The following BSN variants were observed in gnomAD, a reference collection of about 807,000 sequenced individuals.
The protein encoded by BSN is protein bassoon.
BSN carries 57 observed loss-of-function variants against 264.8 expected under a neutral mutation model. The observed-to-expected ratio is 0.22, with a 90% confidence interval of 0.17 to 0.27. The LOEUF is 0.27. Among genes scored for constraint, BSN ranks in the 10% least tolerant of loss-of-function variants. The probability of loss-of-function intolerance (pLI) is 1.00; values close to 1 mark genes in which losing one functional copy is unlikely to be tolerated. For missense variants in BSN, 4,615 were observed against 5,232.5 expected, an observed-to-expected ratio of 0.88 and a Z score of 3.64; for synonymous variants, 2,059 against 2,137.3, an observed-to-expected ratio of 0.96 and a Z score of 1.01.
intron 2 of BSN, among the ~76,000 whole-genome samples, chr3:49,634,349 A>T (rs567200452): frequency 1.5e-4 from 23 of 152,368 alleles, no homozygotes; most frequent in Non-Finnish European, 2.8e-4. Flanking sequence ...ACTGACCTGT[A>T]CACTTAAAAA....
At chr3:49,601,613 C>T (rs909923431) in intron 1 of BSN, among the ~76,000 whole-genome samples, 14 of 152,166 alleles carry the variant, frequency 9.2e-5, no homozygotes, top group African/African-American at 2.4e-4. Flanking sequence ...GGACCAGGAG[C>T]TGATTTCTCT....
intron 2 of BSN, among the ~76,000 whole-genome samples, chr3:49,634,377 T>A (rs1202829330): frequency 6.6e-6 from 1 of 152,220 alleles, no homozygotes; most frequent in Non-Finnish European, 1.5e-5. Flanking sequence ...GGTAGTAAAT[T>A]TATGTGTATT....
At chr3:49,568,122 C>G (rs1289762282) in intron 1 of BSN, among the ~76,000 whole-genome samples, 2 of 152,176 alleles carry the variant, frequency 1.3e-5, no homozygotes, top group African/African-American at 4.8e-5. Flanking sequence ...AACACAGTCA[C>G]AAGATCCTGC....
intron 1 of BSN, among the ~76,000 whole-genome samples, chr3:49,587,787 GT>G (rs2051946991): frequency 6.6e-6 from 1 of 152,110 alleles, no homozygotes; most frequent in Non-Finnish European, 1.5e-5. Flanking sequence ...TGTCTGATTG[GT>G]TGCGGGAGAG....
At chr3:49,631,597 G>A (rs2052384636) in intron 2 of BSN, among the ~76,000 whole-genome samples, 1 of 151,432 alleles carries the variant, frequency 6.6e-6, no homozygotes, top group Non-Finnish European at 1.5e-5. Context: ...CTTCTCCAAA[G>A]AGAGCATTAG....
chr3:49,563,438 T>C (rs2051730413), intron 1 of BSN, among the ~76,000 whole-genome samples: 1 of 152,198 alleles, frequency 6.6e-6, no homozygotes. Flanking sequence ...GGCCATGATT[T>C]CCAGGGGAGC....
intron 1 of BSN, among the ~76,000 whole-genome samples, chr3:49,609,714 G>A (rs1045143869): frequency 3.3e-5 from 5 of 152,210 alleles, no homozygotes; most frequent in African/African-American, 7.2e-5. Flanking sequence ...GATTGTGGCA[G>A]CTACCACAGG....
intron 2 of BSN, among the ~76,000 whole-genome samples, chr3:49,639,850 A>T (rs558105838): frequency 1.3e-5 from 2 of 152,244 alleles, no homozygotes; most frequent in Non-Finnish European, 2.9e-5. Context: ...GGACAAAATG[A>T]GAGAATGCCT....
chr3:49,652,647 G>A lies in BSN; in HGVS notation c.3091G>A (p.Gly1031Arg). 2 of 1,608,162 alleles carry A rather than the reference G, an allele frequency of 1.2e-6. No individual in the cohort carries two copies. The highest frequency in any genetic ancestry group is 2.2e-5 in the East Asian group (1 of 44,814). Residue 1031 changes from glycine (G) to arginine (R), a missense_variant, in exon 5 of 12, where the codon GGG (glycine) becomes AGG (arginine). Around this residue, in one of 3 missense-constraint regions of BSN, gnomAD observed 1,197 missense variants for 1,348.0 expected, o/e 0.89. Transcript: ENST00000296452. ...QQRKARHRSH[G>R]PLLPTIEDSS... is the part of the protein sequence containing the mutation. Reference sequence around the variant, plus strand: ...GCGCAAGGCCCGGCACCGCTCCCACGGGCCCCTGCTACCCACCATCGAGGA... The same window carrying A: ...GCGCAAGGCCCGGCACCGCTCCCACAGGCCCCTGCTACCCACCATCGAGGA...
intron 1 of BSN, among the ~76,000 whole-genome samples, chr3:49,608,813 G>A (rs1402544524): frequency 1.9e-4 from 29 of 150,628 alleles, no homozygotes; most frequent in African/African-American, 6.1e-4. Flanking sequence ...GGGTGATAGA[G>A]CAAGACTCCG....
At chr3:49,564,357 C>A (rs2051737109) in intron 1 of BSN, among the ~76,000 whole-genome samples, 1 of 152,198 alleles carries the variant, frequency 6.6e-6, no homozygotes, top group Admixed American at 6.5e-5. Context: ...ACTTACACAG[C>A]CCAAGTGTGA....
Position 49,653,485 on chromosome 3 carries a change from C to T in BSN, c.3929C>T (p.Pro1310Leu), listed in dbSNP as rs1428020871. 1 of 1,613,886 alleles carries T rather than the reference C, an allele frequency of 6.2e-7. No homozygotes were observed. Reference protein sequence around the residue: ...PMKQNGGPLTPGTSPTQLAAP... With the variant: ...PMKQNGGPLTLGTSPTQLAAP... ...AAGCAAAATGGTGGCCCCCTTACCC[C>T]TGGTACCAGTCCCACCCAGCTCGCT... The change falls in exon 5 of 12, where the codon CCT (proline) becomes CTT (leucine). Residue 1310 changes from proline (P) to leucine (L), a missense_variant. Physicochemically the swap from Pro to Leu is moderately conservative, Grantham distance 98. Coordinates refer to ENST00000296452, the MANE Select transcript of BSN (RefSeq NM_003458.4). The surrounding 1 kb of genome is among the most constrained non-coding windows in gnomAD (Gnocchi z 6.3).
chr3:49,653,962 C>A lies in BSN; in HGVS notation c.4406C>A (p.Ala1469Glu). Residue 1469 changes from alanine (A) to glutamate (E), a missense_variant, in exon 5 of 12, where the codon GCA (alanine) becomes GAA (glutamate). Physicochemically the swap from Ala to Glu is moderately radical, Grantham distance 107. Coordinates refer to ENST00000296452, the MANE Select transcript of BSN (RefSeq NM_003458.4). This position sits in a 1 kb window ranked among gnomAD's most constrained non-coding sequence, Gnocchi z 6.3. ...GEGGTPQPSR[A>E]YSYFASSSPP... is the part of the protein sequence containing the mutation. ...GGTGGCACTCCTCAGCCTTCCCGGG[C>A]ATATTCCTACTTTGCAAGCTCCAGC... 1 of 1,614,096 alleles carries A rather than the reference C, an allele frequency of 6.2e-7. No homozygotes were observed. The highest frequency in any genetic ancestry group is 8.5e-7 in the Non-Finnish European group (1 of 1,180,016).
chr3:49,588,604 C>T (rs986236566), intron 1 of BSN, among the ~76,000 whole-genome samples: 3 of 152,068 alleles, frequency 2.0e-5, no homozygotes, highest in Non-Finnish European at 4.4e-5. Context: ...ATCACTACAT[C>T]CAATGTTTTG....
intron 5 of BSN, among the ~76,000 whole-genome samples, chr3:49,659,155 C>G (rs2052633684): frequency 6.6e-6 from 1 of 151,918 alleles, no homozygotes; most frequent in African/African-American, 2.4e-5. Flanking sequence ...AAAAGTGGAG[C>G]CTTAGAATGG....
chr3:49,653,568 C>T lies in BSN; in HGVS notation c.4012C>T (p.Pro1338Ser), dbSNP rs1311408471. ...AGACAGCAGCGGGGGCCGAGTTATT[C>T]CCGATGTCCGTGTCACTCAGCATTT... ...SSDSSGGRVI[P>S]DVRVTQHFAK... The change falls in exon 5 of 12, where the codon CCC becomes TCC. Residue 1338 changes from proline (P) to serine (S), a missense_variant. Pro to Ser is a moderately conservative substitution (Grantham distance 74). Transcript: ENST00000296452. The surrounding 1 kb of genome is among the most constrained non-coding windows in gnomAD (Gnocchi z 6.3). The T allele has an allele frequency of 3.1e-6, 5 of 1,613,868 alleles. No homozygotes were observed. The highest frequency in any genetic ancestry group is 3.3e-5 in the Admixed American group (2 of 60,014).
Position 49,585,718 on chromosome 3 carries a change from A to C in BSN, c.224+30892A>C, listed in dbSNP as rs1246443592. On this transcript the variant is annotated intron_variant, in intron 1 of 11. Coordinates refer to ENST00000296452, the MANE Select transcript of BSN (RefSeq NM_003458.4). This position sits in a 1 kb window ranked among gnomAD's most constrained non-coding sequence, Gnocchi z 4.7. ...GGTTGTACTAATTTACATTCCCACT[A>C]ACAGTGTACAAGGGTTCCCTTTTCT... Among the ~76,000 whole-genome samples, 1 of 152,222 alleles carries C rather than the reference A, an allele frequency of 6.6e-6. No homozygotes were observed. Among genetic ancestry groups the C allele is most frequent in the East Asian group, 1.9e-4 (1 of 5,204 alleles).
At position 49,656,732 on chromosome 3, in the gene BSN, G is replaced by C; in HGVS notation, c.7176G>C (p.Glu2392Asp). The change falls in exon 5 of 12, where the codon GAG becomes GAC. Residue 2392 changes from glutamate to aspartate, a missense_variant. By Grantham distance (45) the Glu-to-Asp change is conservative. Transcript: ENST00000296452. Reference sequence around the variant, plus strand: ...AGCTGCGACAACTTCGGCTGCAAGAGGAGCTAGAGCGGGAACGTGTGGAGC... The same window carrying C: ...AGCTGCGACAACTTCGGCTGCAAGACGAGCTAGAGCGGGAACGTGTGGAGC... Reference protein sequence around the residue: ...LEKLRQLRLQEELERERVELQ... With the variant: ...LEKLRQLRLQDELERERVELQ... 1 of 1,577,478 alleles carries C rather than the reference G, an allele frequency of 6.3e-7. No individual in the cohort carries two copies. The highest frequency in any genetic ancestry group is 8.6e-7 in the Non-Finnish European group (1 of 1,161,012).
intron 1 of BSN, among the ~76,000 whole-genome samples, chr3:49,566,520 C>T (rs953151699): frequency 5.3e-5 from 8 of 151,954 alleles, no homozygotes; most frequent in African/African-American, 1.9e-4. Context: ...TGCAGTGGCT[C>T]CCCCCTGTAA....
Sources: allele counts gnomAD v4.1 joint callset (sites outside exome capture counted in the v4.1 genomes callset), GRCh38; gene constraint gnomAD v4.1.1; regional missense constraint gnomAD v4.1.1; non-coding constraint Gnocchi (gnomAD v3.1); transcripts MANE v1.5; gene names NCBI Gene and HGNC (gene_info 2026-07-23, HGNC 2026-07-21).